Variants in OXR1 observed in about 807,000 individuals in gnomAD.
OXR1 encodes oxidation resistance protein 1.
OXR1 carries 41 observed loss-of-function variants against 104.6 expected under a neutral mutation model. The ratio of observed to expected loss-of-function variants is 0.39; its 90% CI spans 0.31 to 0.51. The LOEUF (loss-of-function observed/expected upper bound fraction) is 0.51. Ranked by LOEUF, OXR1 falls within the 20% of genes least tolerant of loss-of-function variation. The pLI is 0.77. For missense variants in OXR1, 955 were observed against 1,031.9 expected (o/e 0.93, Z 1.02); for synonymous variants, 348 against 348.4 (o/e 1.00, Z 0.01).
At chr8:106,677,191 A>ATTGGTGCT (rs751576948) in intron 3 of OXR1, among the ~76,000 whole-genome samples, 1 of 151,796 alleles carries the variant, frequency 6.6e-6, no homozygotes, top group African/African-American at 2.4e-5. Flanking sequence ...TGCAAGTTTA[A>ATTGGTGCT]TTTGCTATTC....
At chr8:106,552,132 G>C (rs1027251685) in intron 3 of OXR1, among the ~76,000 whole-genome samples, 1 of 151,934 alleles carries the variant, frequency 6.6e-6, no homozygotes, top group Non-Finnish European at 1.5e-5. Context: ...CAGCTAGGGT[G>C]ATCATTCATA....
At chr8:106,484,537 T>A (rs1221837438) in intron 2 of OXR1, among the ~76,000 whole-genome samples, 1 of 151,880 alleles carries the variant, frequency 6.6e-6, no homozygotes, top group Non-Finnish European at 1.5e-5. Flanking sequence ...CTAAATAAAA[T>A]ATACAGATGG....
intron 3 of OXR1, among the ~76,000 whole-genome samples, chr8:106,662,847 A>G (rs962611540): frequency 1.3e-5 from 1 of 78,514 alleles, no homozygotes; most frequent in African/African-American, 1.2e-4. Context: ...TGGGATGATG[A>G]TGATGATGAT....
intron 3 of OXR1, among the ~76,000 whole-genome samples, chr8:106,525,922 A>G (rs1273299840): frequency 6.6e-6 from 1 of 152,236 alleles, no homozygotes; most frequent in African/African-American, 2.4e-5. Flanking sequence ...ATAGTCATTT[A>G]GTTTCAGATA....
Position 106,347,273 on chromosome 8 carries a change from T to C in OXR1, c.-138-12203T>C, listed in dbSNP as rs144510369. Among the ~76,000 whole-genome samples, 294 of 152,360 alleles carry C rather than the reference T, an allele frequency of 1.9e-3. 1 individual carries two copies. Among genetic ancestry groups the C allele is most frequent in the African/African-American group, 6.6e-3 (275 of 41,596 alleles). On this transcript the variant is annotated intron_variant, in intron 1 of 16. Coordinates refer to ENST00000517566, the MANE Select transcript of OXR1 (RefSeq NM_001198533.2). ...AAGCAAAGAGTGACATGCAGATTTC[T>C]TTTGTGATCCGTATTTGTGAAAAAT...
intron 3 of OXR1, among the ~76,000 whole-genome samples, chr8:106,629,421 A>G (rs1822478272): frequency 6.6e-6 from 1 of 152,174 alleles, no homozygotes; most frequent in Non-Finnish European, 1.5e-5. Flanking sequence ...TTCTATGAAT[A>G]GGGCTTGGAT....
chr8:106,546,829 T>C (rs933776075), intron 3 of OXR1, among the ~76,000 whole-genome samples: 2 of 152,218 alleles, frequency 1.3e-5, no homozygotes, highest in Non-Finnish European at 2.9e-5. Flanking sequence ...TTTGGCATAG[T>C]GAATTGGGGT....
intron 3 of OXR1, among the ~76,000 whole-genome samples, chr8:106,677,745 G>A (rs555493669): frequency 5.1e-4 from 77 of 152,114 alleles, no homozygotes; most frequent in Non-Finnish European, 9.3e-4. Flanking sequence ...TAGAATATGT[G>A]TATGTATGCG....
intron 3 of OXR1, among the ~76,000 whole-genome samples, chr8:106,611,951 A>G (rs1013600862): frequency 2.0e-5 from 3 of 150,858 alleles, no homozygotes; most frequent in South Asian, 2.1e-4. Context: ...CAAAAAAAAA[A>G]TAGGTCATTC....
At chr8:106,684,026 A>G (rs556837629) in intron 5 of OXR1, among the ~76,000 whole-genome samples, 1 of 152,290 alleles carries the variant, frequency 6.6e-6, no homozygotes, top group African/African-American at 2.4e-5. Flanking sequence ...GTGTATGACA[A>G]TTAATGTTTC....
intron 3 of OXR1, among the ~76,000 whole-genome samples, chr8:106,604,616 G>A (rs987529582): frequency 6.6e-6 from 1 of 152,176 alleles, no homozygotes; most frequent in African/African-American, 2.4e-5. Context: ...TATTTTGATA[G>A]CGTGACCTTA....
chr8:106,427,998 A>G (rs1272999029), intron 2 of OXR1, among the ~76,000 whole-genome samples: 1 of 152,212 alleles, frequency 6.6e-6, no homozygotes, highest in Non-Finnish European at 1.5e-5. Flanking sequence ...GTGCTGCCTA[A>G]TACCGAGGAA....
chr8:106,467,206 A>C (rs1028596462), intron 2 of OXR1, among the ~76,000 whole-genome samples: 3 of 151,902 alleles, frequency 2.0e-5, no homozygotes, highest in Non-Finnish European at 4.4e-5. Flanking sequence ...CTTTTCACTT[A>C]CTTCCTTCAT....
intron 2 of OXR1, among the ~76,000 whole-genome samples, chr8:106,387,555 T>A (rs984995862): frequency 1.3e-5 from 2 of 152,166 alleles, no homozygotes; most frequent in Non-Finnish European, 2.9e-5. Context: ...TTATAAATCT[T>A]TATAAAAGTG....
chr8:106,436,196 C>A (rs1474804844), intron 2 of OXR1, among the ~76,000 whole-genome samples: 1 of 152,022 alleles, frequency 6.6e-6, no homozygotes, highest in Non-Finnish European at 1.5e-5. Context: ...TGTTTATGTG[C>A]CATACAGTCA....
chr8:106,539,392 G>A (rs1443116087), intron 3 of OXR1, among the ~76,000 whole-genome samples: 1 of 152,120 alleles, frequency 6.6e-6, no homozygotes, highest in Non-Finnish European at 1.5e-5. Flanking sequence ...TGATTTAGTT[G>A]TGCTGGGGAA....
intron 3 of OXR1, among the ~76,000 whole-genome samples, chr8:106,623,316 A>G (rs557280105): frequency 1.3e-5 from 2 of 152,178 alleles, no homozygotes; most frequent in Middle Eastern, 3.4e-3. Context: ...ATATATGTAT[A>G]TTTTTTAAAA....
intron 3 of OXR1, among the ~76,000 whole-genome samples, chr8:106,586,311 TAGAA>T (rs1273572813): frequency 2.7e-5 from 4 of 149,196 alleles, no homozygotes; most frequent in Non-Finnish European, 4.5e-5. Flanking sequence ...TGTGAAGGAG[TAGAA>T]AGAAAGAAAA....
At chr8:106,284,386 A>T (rs537211337) in intron 1 of OXR1, among the ~76,000 whole-genome samples, 2 of 152,108 alleles carry the variant, frequency 1.3e-5, no homozygotes, top group African/African-American at 4.8e-5. Flanking sequence ...GACCAGATGG[A>T]GGTGGAGAGG....
Sources: allele counts gnomAD v4.1 joint callset (sites outside exome capture counted in the v4.1 genomes callset), GRCh38; gene constraint gnomAD v4.1.1; transcripts MANE v1.5; gene names NCBI Gene and HGNC (gene_info 2026-07-23, HGNC 2026-07-21).